The following CNRIP1 variants were observed in gnomAD, a reference collection of about 807,000 sequenced individuals.
CNRIP1 encodes CB1 cannabinoid receptor-interacting protein 1.
Under a neutral mutation model 15.2 loss-of-function variants are expected in CNRIP1, and 10 were observed. The observed-to-expected ratio is 0.66, with a 90% CI of 0.41 to 1.12. The LOEUF is 1.12. Among genes scored for constraint, CNRIP1 ranks in the 50% most tolerant of loss-of-function variants. The pLI is 0.00. For synonymous variants in CNRIP1, 91 were observed against 83.2 expected, an observed-to-expected ratio of 1.09 and a Z score of -0.51; for missense variants, 211 against 214.7, an observed-to-expected ratio of 0.98 and a Z score of 0.11.
chr2:68,314,461 T>C (rs201648152), intron 2 of CNRIP1, among the ~76,000 whole-genome samples: 3 of 152,032 alleles, frequency 2.0e-5, no homozygotes, highest in Non-Finnish European at 1.5e-5. Context: ...TATCTCCAAC[T>C]ACTGCTACTA....
chr2:68,292,253 C>T (rs1671192381), downstream of CNRIP1, among the ~76,000 whole-genome samples: 1 of 151,980 alleles, frequency 6.6e-6, no homozygotes, highest in African/African-American at 2.4e-5. Context: ...AAACAAAAAA[C>T]ACAAGCTTAT....
chr2:68,288,883 G>A (rs1407061400), downstream of CNRIP1, among the ~76,000 whole-genome samples: 1 of 152,168 alleles, frequency 6.6e-6, no homozygotes, highest in Admixed American at 6.5e-5. Context: ...GTGATGGGGA[G>A]AAGAAAAACA....
Position 68,319,481 on chromosome 2 carries a change from G to T in CNRIP1, c.-81C>A. 1 of 1,377,170 alleles carries T rather than the reference G, an allele frequency of 7.3e-7. No individual in the cohort carries two copies. 85.3% of individuals were successfully genotyped at this position (1,377,170 alleles called of 1,614,324 possible). ...CGGCCGAGTGGCTGGAGCGCGAGGGGCGGAGAGGAAGCGCGGGGAGGGTGA... is the reference window on the plus strand; with the variant it reads ...CGGCCGAGTGGCTGGAGCGCGAGGGTCGGAGAGGAAGCGCGGGGAGGGTGA... On this transcript the variant is annotated 5_prime_UTR_variant, in exon 1 of 3. Coordinates refer to ENST00000263655, the MANE Select transcript of CNRIP1 (RefSeq NM_015463.3).
At chr2:68,294,586 AAATAC>A (rs1363376605) in intron 2 of CNRIP1, among the ~76,000 whole-genome samples, 2 of 152,230 alleles carry the variant, frequency 1.3e-5, no homozygotes, top group African/African-American at 4.8e-5. Context: ...GCTTTTCTCA[AAATAC>A]AATGGTACAA....
At chr2:68,307,021 T>A (rs570369590) in intron 2 of CNRIP1, among the ~76,000 whole-genome samples, 5 of 152,202 alleles carry the variant, frequency 3.3e-5, no homozygotes, top group African/African-American at 1.2e-4. Flanking sequence ...TTTGAGCAAA[T>A]TTTTAAAGTG....
At chr2:68,287,067 T>G (rs1463299606) in intron 2 of CNRIP1, among the ~76,000 whole-genome samples, 3 of 152,220 alleles carry the variant, frequency 2.0e-5, no homozygotes, top group Admixed American at 2.0e-4. Context: ...TCTTATTTTT[T>G]AAGACCATGG....
At chr2:68,295,648 G>C (rs1417382797) in intron 2 of CNRIP1, among the ~76,000 whole-genome samples, 1 of 152,180 alleles carries the variant, frequency 6.6e-6, no homozygotes, top group African/African-American at 2.4e-5. Flanking sequence ...GGCCCCCAAA[G>C]TACATGCTGT....
intron 2 of CNRIP1, among the ~76,000 whole-genome samples, chr2:68,306,696 G>A (rs970452226): frequency 5.3e-5 from 8 of 151,654 alleles, no homozygotes; most frequent in Admixed American, 2.0e-4. Context: ...CAGGAGAATC[G>A]CTTGAACCTG....
At chr2:68,317,412 G>A (rs578048954) in intron 1 of CNRIP1, 105 bp from the exon 2 acceptor site, 3 of 1,237,242 alleles carry the variant, frequency 2.4e-6, no homozygotes, top group Admixed American at 1.9e-5. Flanking sequence ...TTTCACTAAG[G>A]GGGGCATTGT....
chr2:68,307,412 C>T (rs1671897627), intron 2 of CNRIP1, among the ~76,000 whole-genome samples: 1 of 152,182 alleles, frequency 6.6e-6, no homozygotes, highest in Admixed American at 6.5e-5. Context: ...GCCTTGAATG[C>T]CTGGGCTGGA....
intron 2 of CNRIP1, among the ~76,000 whole-genome samples, chr2:68,305,274 A>ATGTG (rs10601379): frequency 0.012 from 1,390 of 120,586 alleles, 29 homozygotes; most frequent in East Asian, 0.019. Flanking sequence ...ATATATATAT[A>ATGTG]TGTGTGTGTG....
intron 2 of CNRIP1, among the ~76,000 whole-genome samples, chr2:68,286,286 A>G (rs530263596): frequency 6.6e-6 from 1 of 151,772 alleles, no homozygotes; most frequent in Admixed American, 6.6e-5. Flanking sequence ...AAGTGTAACC[A>G]TCTAGATTTG....
intron 2 of CNRIP1, among the ~76,000 whole-genome samples, chr2:68,309,896 A>G (rs758786243): frequency 7.2e-5 from 11 of 152,368 alleles, no homozygotes; most frequent in Non-Finnish European, 1.5e-4. Flanking sequence ...ACCAGCAAAA[A>G]GTCAATCCTT....
chr2:68,310,266 T>C (rs911940582), intron 2 of CNRIP1, among the ~76,000 whole-genome samples: 2 of 152,202 alleles, frequency 1.3e-5, no homozygotes, highest in Admixed American at 6.5e-5. Context: ...AGGTGGAGGC[T>C]GCAGTGAGCT....
intron 2 of CNRIP1, among the ~76,000 whole-genome samples, chr2:68,308,147 C>T (rs1474892786): frequency 1.3e-5 from 2 of 152,024 alleles, no homozygotes; most frequent in Admixed American, 6.6e-5. Context: ...GAGCTATGAT[C>T]ATGCCACTGC....
chr2:68,291,590 A>T (rs1451726056), downstream of CNRIP1, among the ~76,000 whole-genome samples: 5 of 152,106 alleles, frequency 3.3e-5, no homozygotes, highest in African/African-American at 9.6e-5. Context: ...AAAGAAAAAA[A>T]AAAGTATGGG....
intron 2 of CNRIP1, among the ~76,000 whole-genome samples, chr2:68,286,422 A>G (rs1246475229): frequency 6.6e-6 from 1 of 152,174 alleles, no homozygotes; most frequent in African/African-American, 2.4e-5. Flanking sequence ...TCAAGATTCC[A>G]ACTGGGTTTT....
chr2:68,306,001 G>T (rs1388902003), intron 2 of CNRIP1, among the ~76,000 whole-genome samples: 1 of 150,724 alleles, frequency 6.6e-6, no homozygotes, highest in Non-Finnish European at 1.5e-5. Context: ...ATGGTGGTGC[G>T]TGCCTCTGGT....
intron 2 of CNRIP1, among the ~76,000 whole-genome samples, chr2:68,307,853 A>G (rs1306911594): frequency 4.0e-5 from 6 of 149,540 alleles, no homozygotes; most frequent in Non-Finnish European, 8.8e-5. Context: ...TAAAGTATAC[A>G]AACAATCTTA....
Sources: gnomAD v4.1 joint callset for allele counts (sites outside exome capture counted in the v4.1 genomes callset) on GRCh38, gnomAD v4.1.1 for gene constraint, MANE v1.5 for transcripts, NCBI Gene and HGNC (gene_info 2026-07-23, HGNC 2026-07-21) for gene names.